ASIC2: variants seen among roughly 807,000 people sequenced by gnomAD.
ASIC2 encodes the protein acid-sensing ion channel 2.
ASIC2 carries 25 observed loss-of-function variants against 57.3 expected under a neutral mutation model. The ratio of observed to expected loss-of-function variants is 0.44; its 90% confidence interval spans 0.32 to 0.61. The LOEUF is 0.61. Among genes scored for constraint, ASIC2 ranks in the 20% least tolerant of loss-of-function variants. The pLI, the probability that ASIC2 is intolerant of heterozygous loss-of-function variation, is 0.06. For missense variants in ASIC2, 641 were observed against 738.1 expected, an observed-to-expected ratio of 0.87 and a Z score of 1.52; for synonymous variants, 319 against 307.5, an observed-to-expected ratio of 1.04 and a Z score of -0.39.
intron 1 of ASIC2, among the ~76,000 whole-genome samples, chr17:33,616,934 AT>A (rs980913450): frequency 3.9e-5 from 6 of 152,202 alleles, no homozygotes; most frequent in Non-Finnish European, 4.4e-5. Flanking sequence ...ACATTTCCAC[AT>A]TTTGTGAAAA....
chr17:33,522,018 T>G (rs1373025948), intron 1 of ASIC2, among the ~76,000 whole-genome samples: 1 of 152,162 alleles, frequency 6.6e-6, no homozygotes, highest in Non-Finnish European at 1.5e-5. Context: ...GCCTATGGGA[T>G]AGCTGAGCAA....
intron 1 of ASIC2, among the ~76,000 whole-genome samples, chr17:33,205,001 C>G (rs1907009045): frequency 6.6e-6 from 1 of 152,226 alleles, no homozygotes; most frequent in African/African-American, 2.4e-5. Flanking sequence ...CTGATAAGGT[C>G]TCTTGTTTAC....
At chr17:33,391,364 A>T (rs28610267) in intron 1 of ASIC2, among the ~76,000 whole-genome samples, 18,574 of 152,176 alleles carry the variant, frequency 0.12, 1,247 homozygotes, top group Middle Eastern at 0.19. Context: ...ATTCTCTCAA[A>T]GGTCACCTAA....
intron 1 of ASIC2, among the ~76,000 whole-genome samples, chr17:33,403,337 G>T (rs1452871062): frequency 6.6e-6 from 1 of 152,118 alleles, no homozygotes; most frequent in Non-Finnish European, 1.5e-5. Context: ...CTTCCCTTCT[G>T]CCTTCTCCTC....
At chr17:33,283,873 A>G (rs1446620938) in intron 1 of ASIC2, among the ~76,000 whole-genome samples, 2 of 152,208 alleles carry the variant, frequency 1.3e-5, no homozygotes, top group African/African-American at 4.8e-5. Flanking sequence ...CCAAAGCTGC[A>G]CCAAGATCTT....
At position 33,983,063 on chromosome 17, in the gene ASIC2, G is replaced by A. The variant is rs1049726408; in HGVS notation, c.555+172915C>T. 2.0e-5 allele frequency among the ~76,000 whole-genome samples: 3 copies of A among 152,094 alleles called. No homozygotes were observed. In the South Asian group the frequency reaches 6.2e-4, roughly 32 times the overall value. On this transcript the variant is annotated intron_variant, in intron 1 of 9. Transcript: ENST00000359872. ...CCATCAATCAAAAGAAACCAATTAG[G>A]AGCTGTGAGTGTGTGTGTACCCATG...
At chr17:33,678,374 G>T (rs144183762) in intron 1 of ASIC2, among the ~76,000 whole-genome samples, 23 of 151,206 alleles carry the variant, frequency 1.5e-4, no homozygotes, top group Middle Eastern at 3.4e-3. Context: ...TCTGTTCTCT[G>T]TGGGTTGAGG....
At chr17:33,044,187 C>T (rs1251792786) in intron 3 of ASIC2, among the ~76,000 whole-genome samples, 1 of 151,784 alleles carries the variant, frequency 6.6e-6, no homozygotes, top group Admixed American at 6.6e-5. Context: ...TCATAAGAGC[C>T]TCTGCAGTTT....
chr17:33,713,601 A>G (rs1303899758), intron 1 of ASIC2, among the ~76,000 whole-genome samples: 3 of 152,196 alleles, frequency 2.0e-5, no homozygotes, highest in Non-Finnish European at 4.4e-5. Flanking sequence ...ATTCAGTATG[A>G]TTTTATCTTA....
intron 1 of ASIC2, among the ~76,000 whole-genome samples, chr17:33,659,835 G>A (rs1308849981): frequency 6.6e-6 from 1 of 151,700 alleles, no homozygotes; most frequent in African/African-American, 2.4e-5. Flanking sequence ...TCGCGCCACT[G>A]CACTCCAGCC....
intron 1 of ASIC2, chr17:34,037,780 T>C (rs1333783706): frequency 2.5e-6 from 4 of 1,614,100 alleles, no homozygotes; most frequent in South Asian, 1.1e-5. Context: ...AGGCCAAGCA[T>C]CGTCGAATCA....
intron 1 of ASIC2, among the ~76,000 whole-genome samples, chr17:33,173,177 G>A (rs1485359934): frequency 6.6e-6 from 1 of 152,116 alleles, no homozygotes; most frequent in Non-Finnish European, 1.5e-5. Flanking sequence ...GCAGACTCCC[G>A]AGTCTGATCG....
At chr17:33,648,714 C>CA (rs1218490613) in intron 1 of ASIC2, among the ~76,000 whole-genome samples, 5 of 152,208 alleles carry the variant, frequency 3.3e-5, no homozygotes, top group Non-Finnish European at 7.3e-5. Flanking sequence ...GAAGAACTCT[C>CA]AGTCTTTGCA....
intron 1 of ASIC2, among the ~76,000 whole-genome samples, chr17:33,657,853 A>G (rs1185393457): frequency 6.6e-6 from 1 of 152,132 alleles, no homozygotes. Context: ...GGAATCCAAC[A>G]GCGATCTAAT....
intron 1 of ASIC2, among the ~76,000 whole-genome samples, chr17:33,697,773 T>C (rs924095240): frequency 1.3e-5 from 2 of 152,110 alleles, no homozygotes; most frequent in African/African-American, 4.8e-5. Context: ...AGAAGATGAG[T>C]GGCACCAACT....
At chr17:33,497,969 G>C (rs181287865) in intron 1 of ASIC2, among the ~76,000 whole-genome samples, 1 of 152,216 alleles carries the variant, frequency 6.6e-6, no homozygotes, top group Non-Finnish European at 1.5e-5. Flanking sequence ...ACAGTGGGTG[G>C]CTATAGCCAA....
chr17:33,822,263 T>A (rs1382143767), intron 1 of ASIC2, among the ~76,000 whole-genome samples: 2 of 152,176 alleles, frequency 1.3e-5, no homozygotes, highest in Non-Finnish European at 2.9e-5. Flanking sequence ...GTACAAACAG[T>A]TCTCCCGGGA....
At chr17:33,605,106 G>C (rs1255059751) in intron 1 of ASIC2, among the ~76,000 whole-genome samples, 2 of 152,068 alleles carry the variant, frequency 1.3e-5, no homozygotes, top group Non-Finnish European at 2.9e-5. Context: ...ACAGTTGGAG[G>C]CTGATTTAGC....
intron 1 of ASIC2, among the ~76,000 whole-genome samples, chr17:33,350,590 G>A (rs1393523375): frequency 6.6e-6 from 1 of 151,940 alleles, no homozygotes; most frequent in Admixed American, 6.6e-5. Flanking sequence ...GCTGAGGCAC[G>A]AGAATGGCTT....
Sources: gnomAD v4.1 joint callset for allele counts (sites outside exome capture counted in the v4.1 genomes callset) on GRCh38, gnomAD v4.1.1 for gene constraint, MANE v1.5 for transcripts, NCBI Gene and HGNC (gene_info 2026-07-23, HGNC 2026-07-21) for gene names.